SMYD3: variants seen among roughly 807,000 people sequenced by gnomAD.
The protein encoded by SMYD3 is SET and MYND domain containing 3, also known as histone-lysine N-methyltransferase SMYD3.
A neutral mutation model predicts 57.7 loss-of-function variants in SMYD3; 36 were observed. That is an observed-to-expected ratio of 0.62 (90% CI 0.48 to 0.82). The LOEUF (loss-of-function observed/expected upper bound fraction) is 0.82. Ranked by LOEUF, SMYD3 falls within the 40% of genes least tolerant of loss-of-function variation. The pLI, the probability that SMYD3 is intolerant of heterozygous loss-of-function variation, is 0.00. For missense variants in SMYD3, 515 were observed against 538.8 expected, an observed-to-expected ratio of 0.96 and a Z score of 0.44; for synonymous variants, 211 against 195.0, an observed-to-expected ratio of 1.08 and a Z score of -0.68.
intron 8 of SMYD3, among the ~76,000 whole-genome samples, chr1:245,905,281 T>C (rs1016085719): frequency 1.3e-5 from 2 of 152,082 alleles, no homozygotes; most frequent in African/African-American, 4.8e-5. Context: ...AATGGGTTCC[T>C]GGGGTCCCTG....
At chr1:245,822,125 T>C (rs2049194854) in intron 10 of SMYD3, among the ~76,000 whole-genome samples, 1 of 152,040 alleles carries the variant, frequency 6.6e-6, no homozygotes, top group Non-Finnish European at 1.5e-5. Context: ...TTATTCACAA[T>C]AGCAAAGACT....
chr1:246,377,066 C>T (rs2148741202), intron 1 of SMYD3, among the ~76,000 whole-genome samples: 1 of 152,286 alleles, frequency 6.6e-6, no homozygotes, highest in African/African-American at 2.4e-5. Flanking sequence ...CACCATTGTA[C>T]TCCAGCCTGG....
intron 5 of SMYD3, among the ~76,000 whole-genome samples, chr1:246,220,005 T>C (rs1471700355): frequency 1.3e-5 from 2 of 152,170 alleles, no homozygotes; most frequent in Non-Finnish European, 2.9e-5. Flanking sequence ...AACACCCCTG[T>C]TGCAAGTCCC....
intron 8 of SMYD3, among the ~76,000 whole-genome samples, chr1:245,902,224 C>G (rs528970290): frequency 1.9e-4 from 29 of 152,288 alleles, no homozygotes; most frequent in Admixed American, 4.6e-4. Context: ...ACCCTGGGGA[C>G]CAGCAGAACC....
intron 5 of SMYD3, among the ~76,000 whole-genome samples, chr1:246,147,883 T>A (rs571444020): frequency 6.6e-6 from 1 of 152,220 alleles, no homozygotes; most frequent in East Asian, 1.9e-4. Context: ...CTCTGCAGCC[T>A]GCACCCTGGA....
At chr1:246,463,589 G>C (rs1297665310) in intron 1 of SMYD3, among the ~76,000 whole-genome samples, 1 of 150,934 alleles carries the variant, frequency 6.6e-6, no homozygotes, top group East Asian at 1.9e-4. Context: ...AGGCCGAGGC[G>C]GGCGGATCAC....
At chr1:246,065,539 T>C (rs2060325909) in intron 5 of SMYD3, among the ~76,000 whole-genome samples, 1 of 152,236 alleles carries the variant, frequency 6.6e-6, no homozygotes, top group Non-Finnish European at 1.5e-5. Flanking sequence ...AATGTTAAAG[T>C]ATGCTTATTA....
rs540242554 is a variant in SMYD3 at position 246,268,605 on chromosome 1, G to A, written c.531+58596C>T. Among the ~76,000 whole-genome samples, 9 of 152,206 alleles carry A rather than the reference G, an allele frequency of 5.9e-5. No homozygotes were observed. The East Asian group carries it at 1.7e-3, about 29-fold the overall frequency. ...TGTAGTCCCAGCTACCCGGGAGGCT[G>A]AGGCAGGGGAATAGCTTGAACCTGG... is the stretch of plus-strand genomic sequence containing the variant. On this transcript the variant is annotated intron_variant, in intron 5 of 11. Transcript: ENST00000490107.
intron 8 of SMYD3, among the ~76,000 whole-genome samples, chr1:245,906,198 G>A (rs1462037646): frequency 6.6e-6 from 1 of 152,154 alleles, no homozygotes; most frequent in Non-Finnish European, 1.5e-5. Context: ...TCAGCAAAGC[G>A]AAGAGACAAC....
intron 1 of SMYD3, among the ~76,000 whole-genome samples, chr1:246,359,783 G>A (rs2065960486): frequency 6.6e-6 from 1 of 152,000 alleles, no homozygotes; most frequent in South Asian, 2.1e-4. Context: ...AAAACCCTCA[G>A]CAAAATCGGC....
intron 5 of SMYD3, among the ~76,000 whole-genome samples, chr1:246,263,857 G>A (rs1023407062): frequency 3.9e-5 from 6 of 152,136 alleles, no homozygotes; most frequent in Non-Finnish European, 7.4e-5. Context: ...AGTGAAAAAT[G>A]TGTAAGACAG....
intron 11 of SMYD3, among the ~76,000 whole-genome samples, chr1:245,760,555 A>G (rs1180744503): frequency 6.6e-6 from 1 of 152,164 alleles, no homozygotes; most frequent in African/African-American, 2.4e-5. Context: ...ACAGCTAACC[A>G]GCAGGCCCAG....
intron 1 of SMYD3, among the ~76,000 whole-genome samples, chr1:246,470,641 GT>G (rs2067948873): frequency 6.9e-6 from 1 of 145,014 alleles, no homozygotes; most frequent in African/African-American, 2.5e-5. Context: ...TATATATAGT[GT>G]ATGTATGTGT....
At position 245,866,541 on chromosome 1, in the gene SMYD3, G is replaced by A. The variant is rs554254761; in HGVS notation, c.814-2655C>T. On this transcript the variant is annotated intron_variant, in intron 8 of 11. Coordinates refer to ENST00000490107, the MANE Select transcript of SMYD3 (RefSeq NM_001167740.2). The stretch of plus-strand genomic sequence containing the variant: ...GAGGTCAGGAGTTTGAGACCAGCCT[G>A]GCCAACATGACAAAACCTCGTCTCT... Among the ~76,000 whole-genome samples, 20 of 152,176 alleles carry A rather than the reference G, an allele frequency of 1.3e-4. No individual in the cohort carries two copies. The East Asian group carries it at 3.1e-3, about 24-fold the overall frequency.
chr1:246,154,464 T>C (rs2061990453), intron 5 of SMYD3, among the ~76,000 whole-genome samples: 1 of 152,232 alleles, frequency 6.6e-6, no homozygotes. Context: ...CAGGACACAC[T>C]ATAAAGCTAT....
chr1:246,364,404 T>C (rs1001476632), intron 1 of SMYD3, among the ~76,000 whole-genome samples: 28 of 152,228 alleles, frequency 1.8e-4, no homozygotes, highest in Admixed American at 6.5e-5. Context: ...ACTTCTGATA[T>C]GACAGGCACA....
At chr1:245,934,217 T>C (rs1302963423) in intron 5 of SMYD3, among the ~76,000 whole-genome samples, 1 of 152,194 alleles carries the variant, frequency 6.6e-6, no homozygotes, top group African/African-American at 2.4e-5. Context: ...GAGTTTAATG[T>C]ACTTAGTTTT....
chr1:245,913,691 A>T (rs2055190303), intron 8 of SMYD3, among the ~76,000 whole-genome samples: 1 of 148,154 alleles, frequency 6.7e-6, no homozygotes, highest in Non-Finnish European at 1.5e-5. Context: ...AGAGACAACT[A>T]TAAAATGGCA....
chr1:246,412,974 T>C (rs1188136310), intron 1 of SMYD3, among the ~76,000 whole-genome samples: 1 of 152,080 alleles, frequency 6.6e-6, no homozygotes, highest in Non-Finnish European at 1.5e-5. Context: ...AGGTTACCCA[T>C]AATTTATAGG....
Sources: allele counts gnomAD v4.1 joint callset (sites outside exome capture counted in the v4.1 genomes callset), GRCh38; gene constraint gnomAD v4.1.1; transcripts MANE v1.5; gene names NCBI Gene and HGNC (gene_info 2026-07-23, HGNC 2026-07-21).